BMP2K: variants seen among roughly 807,000 people sequenced by gnomAD.
BMP2K encodes BMP2 inducible kinase, also known as BMP-2-inducible protein kinase.
BMP2K carries 74 observed loss-of-function variants against 116.0 expected under a neutral mutation model. The observed-to-expected ratio is 0.64, with a 90% CI of 0.53 to 0.77. The LOEUF is 0.77. BMP2K is among the 30% of genes least tolerant of loss of function. BMP2K has a pLI of 0.00. For synonymous variants in BMP2K, 486 were observed against 502.5 expected (o/e 0.97, Z 0.44); for missense variants, 1,365 against 1,403.6 (o/e 0.97, Z 0.44).
chr4:78,903,567 AT>A (rs1734128452), intron 15 of BMP2K, among the ~76,000 whole-genome samples: 1 of 151,754 alleles, frequency 6.6e-6, no homozygotes, highest in Non-Finnish European at 1.5e-5. Flanking sequence ...TATTGTCTCT[AT>A]TTTCTAGATG....
chr4:78,841,816 G>A (rs1730772901), intron 3 of BMP2K, among the ~76,000 whole-genome samples: 1 of 151,912 alleles, frequency 6.6e-6, no homozygotes, highest in Admixed American at 6.6e-5. Flanking sequence ...CTAGTATATT[G>A]TTCTCCCAAG....
At position 78,887,225 on chromosome 4, in the gene BMP2K, C is replaced by A. The variant is rs1222329127; in HGVS notation, c.2003C>A (p.Ala668Asp). ...SSDKNVDSLS[A>D]PHNHPPEDPF... ...GATAAGAATGTAGACTCACTTTCTGCTCCACATAACCATCCTCCAGAAGAT... is the reference window on the plus strand; with the variant it reads ...GATAAGAATGTAGACTCACTTTCTGATCCACATAACCATCCTCCAGAAGAT... The change falls in exon 15 of 16, where the codon GCT becomes GAT. Residue 668 changes from alanine to aspartate, a missense_variant. This residue lies in a region of BMP2K where 596 missense variants were observed against 623.2 expected (regional missense o/e 0.96). Transcript: ENST00000502613. The A allele has an allele frequency of 1.2e-6, 2 of 1,611,950 alleles. No homozygotes were observed. The highest frequency in any genetic ancestry group is 1.7e-6 in the Non-Finnish European group (2 of 1,179,058).
intron 15 of BMP2K, among the ~76,000 whole-genome samples, chr4:78,903,681 C>G (rs1734135799): frequency 6.6e-6 from 1 of 151,548 alleles, no homozygotes; most frequent in South Asian, 2.1e-4. Flanking sequence ...AGAACTTAAC[C>G]CTACAGAATA....
chr4:78,805,911 C>T lies in BMP2K; in HGVS notation c.179-20126C>T, dbSNP rs528670145. On this transcript the variant is annotated intron_variant, in intron 1 of 15. Transcript: ENST00000502613. ...ACTTGAATCCGGGAGGCGGAGGTTG[C>T]GGTGAGCCAAGATTGCACCACCGCA... Among the ~76,000 whole-genome samples the T allele has an allele frequency of 7.2e-5, 11 of 152,084 alleles. No individual in the cohort carries two copies. The South Asian group carries it at 1.5e-3, about 20-fold the overall frequency.
At chr4:78,890,401 T>TGC (rs1489754683) in intron 15 of BMP2K, among the ~76,000 whole-genome samples, 19 of 132,534 alleles carry the variant, frequency 1.4e-4, no homozygotes, top group African/African-American at 5.9e-4. Context: ...TACACAATCA[T>TGC]GCGCACACAC....
At chr4:78,876,878 T>G (rs1309655489) in intron 13 of BMP2K, among the ~76,000 whole-genome samples, 1 of 152,204 alleles carries the variant, frequency 6.6e-6, no homozygotes, top group Non-Finnish European at 1.5e-5. Context: ...CAAACTTAGA[T>G]GGTATAGCCT....
chr4:78,847,064 CTATA>C, intron 5 of BMP2K, 120 bp from the exon 6 acceptor site: 1 of 396,506 alleles, frequency 2.5e-6, no homozygotes, highest in Non-Finnish European at 4.3e-6. Flanking sequence ...TAGTATTACT[CTATA>C]TAATGTTATT....
chr4:78,816,122 C>A (rs1729337867), intron 1 of BMP2K, among the ~76,000 whole-genome samples: 1 of 152,092 alleles, frequency 6.6e-6, no homozygotes, highest in South Asian at 2.1e-4. Context: ...TTTCTTCTTT[C>A]TGTAATCATT....
At chr4:78,808,265 C>CTTTT (rs532312072) in intron 1 of BMP2K, among the ~76,000 whole-genome samples, 2 of 109,372 alleles carry the variant, frequency 1.8e-5, no homozygotes, top group South Asian at 2.9e-4. Flanking sequence ...ATCTTGCTTC[C>CTTTT]TTTTTTTTTT....
intron 15 of BMP2K, among the ~76,000 whole-genome samples, chr4:78,896,535 T>A (rs556854712): frequency 6.6e-6 from 1 of 152,292 alleles, no homozygotes; most frequent in East Asian, 1.9e-4. Context: ...AAGAAAAATA[T>A]ATGTGAAGCA....
chr4:78,879,192 G>A (rs745838051), intron 14 of BMP2K: 1 of 1,071,512 alleles, frequency 9.3e-7, no homozygotes, highest in Non-Finnish European at 1.1e-6. Flanking sequence ...GAAAATTGAT[G>A]TTTCAATAAA....
Position 78,776,733 on chromosome 4 carries a change from C to A in BMP2K, c.178+12C>A, listed in dbSNP as rs1553911321. 1.6e-6 allele frequency: 2 copies of A among 1,263,162 alleles called. No homozygotes were observed. The highest frequency in any genetic ancestry group is 2.9e-5 in the East Asian group (1 of 34,178). 78.2% of individuals were successfully genotyped at this position (1,263,162 alleles called of 1,614,324 possible). A position where few individuals can be genotyped will look rare whatever the true frequency, so the allele number is the denominator to read the frequency against. ...GTCGCTGGCCGAAGGTACGGGCGCC[C>A]GGGGAGGCTCGGACAGGCAGGTGAG... On this transcript the variant is annotated intron_variant, in intron 1 of 15. Transcript: ENST00000502613.
intron 1 of BMP2K, among the ~76,000 whole-genome samples, chr4:78,801,883 T>G (rs1329087387): frequency 6.6e-6 from 1 of 152,182 alleles, no homozygotes; most frequent in African/African-American, 2.4e-5. Flanking sequence ...AAATCTACAG[T>G]TTAGAAATTA....
At position 78,914,906 on chromosome 4, in the gene BMP2K, G is replaced by A. The variant is rs1442091017; in HGVS notation, c.*2873G>A. 1 of 151,824 alleles carries A rather than the reference G, an allele frequency of 6.6e-6. No homozygotes were observed. The highest frequency in any genetic ancestry group is 2.4e-5 in the African/African-American group (1 of 41,394). The allele number at this position is 151,824 out of a possible 1,614,324, so 9.4% of individuals were successfully genotyped here. ...TTTCTTAACAGCTTTAATAATGCTT[G>A]TTGATTTTGAATAATCCTTTAAAAA... On this transcript the variant is annotated 3_prime_UTR_variant, in exon 16 of 16. Transcript: ENST00000502613.
chr4:78,809,160 A>G (rs922816696), intron 1 of BMP2K, among the ~76,000 whole-genome samples: 4 of 152,164 alleles, frequency 2.6e-5, no homozygotes, highest in African/African-American at 4.8e-5. Flanking sequence ...TTTGTAATAT[A>G]TCTTTCTGAT....
rs370754362 is a variant in BMP2K, at chr4:78,910,685, A to G, written c.2138A>G (p.Lys713Arg). 1 of 1,609,020 alleles carries G rather than the reference A, an allele frequency of 6.2e-7. No homozygotes were observed. Reference protein sequence around the residue: ...NGTANPIKNGKTSPASKDQRT... With the variant: ...NGTANPIKNGRTSPASKDQRT... ...ACTGCAAACCCTATCAAGAACGGTA[A>G]AACAAGTCCAGCATCTAAAGATCAG... Residue 713 changes from lysine to arginine, a missense_variant, in exon 16 of 16, where the codon AAA (lysine) becomes AGA (arginine). By Grantham distance (26) the Lys-to-Arg change is conservative (BLOSUM62 2). Around this residue, in one of 3 missense-constraint regions of BMP2K, gnomAD observed 596 missense variants for 623.2 expected, o/e 0.96. Transcript: ENST00000502613.
chr4:78,872,940 T>C, intron 13 of BMP2K, 142 bp downstream of exon 13: 1 of 844,326 alleles, frequency 1.2e-6, no homozygotes. Flanking sequence ...TAGTCCTGTC[T>C]TCTGGTCCCT....
intron 15 of BMP2K, among the ~76,000 whole-genome samples, chr4:78,889,408 A>G (rs1260160676): frequency 6.6e-6 from 1 of 152,160 alleles, no homozygotes; most frequent in Non-Finnish European, 1.5e-5. Context: ...ATCACTGTGC[A>G]ATATTAGCAC....
At chr4:78,853,247 G>A (rs1171790076) in intron 7 of BMP2K, among the ~76,000 whole-genome samples, 1 of 152,086 alleles carries the variant, frequency 6.6e-6, no homozygotes, top group East Asian at 1.9e-4. Context: ...AAACTGTATG[G>A]TTTGTGGTTA....
Sources: gnomAD v4.1 joint callset for allele counts (sites outside exome capture counted in the v4.1 genomes callset) on GRCh38, gnomAD v4.1.1 for gene constraint, gnomAD v4.1.1 regional missense constraint, MANE v1.5 for transcripts, NCBI Gene and HGNC (gene_info 2026-07-23, HGNC 2026-07-21) for gene names.